Variants in OGFOD3 observed in about 807,000 individuals in gnomAD.
The protein encoded by OGFOD3 is 2-oxoglutarate and iron dependent oxygenase domain containing 3, also known as 2-oxoglutarate and iron-dependent oxygenase domain-containing protein 3.
OGFOD3 carries 35 observed loss-of-function variants against 39.8 expected under a neutral mutation model. The observed-to-expected ratio is 0.88, with a 90% CI of 0.67 to 1.17. OGFOD3 has a LOEUF of 1.17. Among genes scored for constraint, OGFOD3 ranks in the 50% most tolerant of loss-of-function variants. The probability of loss-of-function intolerance (pLI) is 0.00; values close to 1 mark genes in which losing one functional copy is unlikely to be tolerated. For missense variants in OGFOD3, 438 were observed against 454.5 expected (o/e 0.96, Z 0.33); for synonymous variants, 200 against 192.0 (o/e 1.04, Z -0.34).
In OGFOD3 at chr17:82,390,968, C is replaced by T. The variant is rs1204753259; in HGVS notation, c.*1430G>A. ...CCCAATAATGCTGCCCTTTATCAAC[C>T]CCCAGAGCAGCTCCCGGGCCACAGG... On this transcript the variant is annotated 3_prime_UTR_variant, in exon 9 of 9. Coordinates refer to ENST00000313056, the MANE Select transcript of OGFOD3 (RefSeq NM_024648.3). The surrounding 1 kb of genome is among the most constrained non-coding windows in gnomAD (Gnocchi z 4.9). 5.1e-6 allele frequency: 1 copy of T among 194,704 alleles called. No homozygotes were observed. Among genetic ancestry groups the T allele is most frequent in the Non-Finnish European group, 1.1e-5 (1 of 92,448 alleles). 12.1% of individuals were successfully genotyped at this position (194,704 alleles called of 1,614,324 possible).
At chr17:82,401,053 TCCCGACACTGCAGC>T (rs1442868312) in intron 7 of OGFOD3, 1 of 151,394 alleles carries the variant, frequency 6.6e-6, no homozygotes, top group Non-Finnish European at 1.5e-5. Flanking sequence ...CGCCGGCTGC[TCCCGACACTGCAGC>T]CCGAGAGGGA....
At chr17:82,411,248 T>C (rs904331831) in intron 3 of OGFOD3, among the ~76,000 whole-genome samples, 1 of 151,860 alleles carries the variant, frequency 6.6e-6, no homozygotes. Flanking sequence ...GGTTTCACCA[T>C]GTTGCCCAGG....
intron 7 of OGFOD3, among the ~76,000 whole-genome samples, chr17:82,399,833 G>A (rs987617718): frequency 6.6e-6 from 1 of 152,236 alleles, no homozygotes; most frequent in Non-Finnish European, 1.5e-5. Flanking sequence ...GACACCAGCT[G>A]CAAAGGGGAG....
chr17:82,398,396 A>C (rs1567866978), intron 7 of OGFOD3, 77 bp from the exon 8 acceptor site: 1 of 1,547,544 alleles, frequency 6.5e-7, no homozygotes, highest in Non-Finnish European at 8.8e-7. Context: ...TCTCTCTCTT[A>C]TTTTTTGTTT....
At chr17:82,399,673 C>G (rs1370919882) in intron 7 of OGFOD3, among the ~76,000 whole-genome samples, 1 of 152,170 alleles carries the variant, frequency 6.6e-6, no homozygotes. Flanking sequence ...TCTCTGTGAA[C>G]CTGGCGACTC....
chr17:82,395,516 C>T (rs961669428), intron 8 of OGFOD3, among the ~76,000 whole-genome samples: 5 of 152,184 alleles, frequency 3.3e-5, no homozygotes, highest in Admixed American at 2.0e-4. Flanking sequence ...TAGCATTTGC[C>T]ACTCATGGTA....
At chr17:82,408,864 G>A (rs1449485392) in intron 4 of OGFOD3, among the ~76,000 whole-genome samples, 6 of 152,110 alleles carry the variant, frequency 3.9e-5, no homozygotes, top group Admixed American at 2.0e-4. Context: ...CACATTATCC[G>A]AGGCCACTAG....
chr17:82,401,144 C>CTTT (rs10711493), intron 7 of OGFOD3: 7 of 131,128 alleles, frequency 5.3e-5, no homozygotes, highest in Non-Finnish European at 8.0e-5. Flanking sequence ...TTGGGTTTAC[C>CTTT]TTTTTTTTTT....
rs956753602 is a variant in OGFOD3, at chr17:82,396,253, T to C, written c.823+1943A>G. 1.8e-4 allele frequency among the ~76,000 whole-genome samples: 19 copies of C among 104,934 alleles called. 1 individual carries two copies. Among genetic ancestry groups the C allele is most frequent in the Non-Finnish European group, 4.5e-4 (18 of 40,362 alleles). The allele number at this position is 104,934 out of a possible 152,430, so 68.8% of individuals were successfully genotyped here. On this transcript the variant is annotated intron_variant, in intron 8 of 8. Transcript: ENST00000313056. ...ACATAGATACACACAATTAGACAGATGTATGACATCAAATCGCAGGTAAAC... is the reference window on the plus strand; with the variant it reads ...ACATAGATACACACAATTAGACAGACGTATGACATCAAATCGCAGGTAAAC...
Position 82,406,125 on chromosome 17 carries a change from C to A in OGFOD3, c.488+293G>T, listed in dbSNP as rs1048906922. On this transcript the variant is annotated intron_variant, in intron 5 of 8. Coordinates refer to ENST00000313056, the MANE Select transcript of OGFOD3 (RefSeq NM_024648.3). The surrounding 1 kb of genome is among the most constrained non-coding windows in gnomAD (Gnocchi z 5.2). ...TGCTCCTGGGAGCCTCCCATCTCTG[C>A]TGCCTCTTGCTCCCATCCCTTCTGT... Among the ~76,000 whole-genome samples the A allele has an allele frequency of 3.3e-5, 5 of 152,180 alleles. No homozygotes were observed. The highest frequency in any genetic ancestry group is 1.2e-4 in the African/African-American group (5 of 41,434).
rs796179629 is a variant in OGFOD3, at chr17:82,415,900, G to GA, written c.75-274dup. Among the ~76,000 whole-genome samples the GA allele has an allele frequency of 0.065, 6,735 of 104,142 alleles. 440 individuals are homozygous for GA. Among genetic ancestry groups the GA allele is most frequent in the African/African-American group, 0.19 (5,749 of 29,724 alleles). The allele number at this position is 104,142 out of a possible 152,430, so 68.3% of individuals were successfully genotyped here. Reference sequence around the variant, plus strand: ...AGAGACTCATGGGTTTTAAGCAAAAGAAAAAAAAAAAAAAAGCCAGACATG... The same window carrying GA: ...AGAGACTCATGGGTTTTAAGCAAAAGAAAAAAAAAAAAAAAAGCCAGACATG... On this transcript the variant is annotated intron_variant, in intron 1 of 8. Coordinates refer to ENST00000313056, the MANE Select transcript of OGFOD3 (RefSeq NM_024648.3). The surrounding 1 kb of genome is among the most constrained non-coding windows in gnomAD (Gnocchi z 5.3).
At chr17:82,401,698 GGAGGCT>G (rs2052766011) in intron 7 of OGFOD3, among the ~76,000 whole-genome samples, 1 of 150,722 alleles carries the variant, frequency 6.6e-6, no homozygotes, top group African/African-American at 2.4e-5. Flanking sequence ...CAGCTACTCA[GGAGGCT>G]GAGGCAGGAG....
In OGFOD3 at chr17:82,402,759, A is replaced by G. The variant is rs925958349; in HGVS notation, c.699+1178T>C. Among the ~76,000 whole-genome samples, 7 of 151,888 alleles carry G rather than the reference A, an allele frequency of 4.6e-5. No individual in the cohort carries two copies. In the East Asian group the frequency reaches 9.7e-4, roughly 21 times the overall value. ...TGAAACTCCATCTTAAAAAAAAAAA[A>G]GAAAGAAAAGAAATGGGATGGGTAA... On this transcript the variant is annotated intron_variant, in intron 7 of 8. Transcript: ENST00000313056.
intron 8 of OGFOD3, among the ~76,000 whole-genome samples, chr17:82,395,974 G>A (rs529143700): frequency 1.4e-4 from 21 of 152,052 alleles, no homozygotes; most frequent in African/African-American, 4.8e-4. Context: ...TTAGACAGAT[G>A]TATGACATCA....
Position 82,415,397 on chromosome 17 carries a change from C to T in OGFOD3, c.304+1G>A, listed in dbSNP as rs2053014999. Reference sequence around the variant, plus strand: ...TTTAAAGTGTTGCTTTCCTGAACTACCTTCGAACCTGCGGTGACTGTCGTA... The same window carrying T: ...TTTAAAGTGTTGCTTTCCTGAACTATCTTCGAACCTGCGGTGACTGTCGTA... On this transcript the variant is annotated splice_donor_variant, in intron 2 of 8. Coordinates refer to ENST00000313056, the MANE Select transcript of OGFOD3 (RefSeq NM_024648.3). LOFTEE classifies it high-confidence loss of function. This position sits in a 1 kb window ranked among gnomAD's most constrained non-coding sequence, Gnocchi z 5.3. 1.2e-6 allele frequency: 2 copies of T among 1,611,800 alleles called. No homozygotes were observed. Among genetic ancestry groups the T allele is most frequent in the Non-Finnish European group, 1.7e-6 (2 of 1,178,336 alleles).
intron 4 of OGFOD3, among the ~76,000 whole-genome samples, 166 bp downstream of exon 4, chr17:82,409,202 A>T (rs2052904869): frequency 6.6e-6 from 1 of 152,224 alleles, no homozygotes; most frequent in South Asian, 2.1e-4. Context: ...CACGGGTTTC[A>T]GTCAGGCGCA....
intron 7 of OGFOD3, among the ~76,000 whole-genome samples, chr17:82,402,090 G>T (rs1333586654): frequency 1.3e-5 from 2 of 152,058 alleles, no homozygotes; most frequent in African/African-American, 4.8e-5. Flanking sequence ...TTAAAGAATT[G>T]CTATAATACC....
At chr17:82,414,896 G>A (rs1203784949) in intron 2 of OGFOD3, among the ~76,000 whole-genome samples, 1 of 152,152 alleles carries the variant, frequency 6.6e-6, no homozygotes, top group Admixed American at 6.5e-5. Flanking sequence ...CTCCGAGGCC[G>A]TGCGCTCTCC....
rs2053025167 is a variant in OGFOD3, at chr17:82,415,893, AG to A, written c.75-267del. 1.3e-5 allele frequency among the ~76,000 whole-genome samples: 2 copies of A among 149,578 alleles called. No homozygotes were observed. Among genetic ancestry groups the A allele is most frequent in the African/African-American group, 5.0e-5 (2 of 39,774 alleles). On this transcript the variant is annotated intron_variant, in intron 1 of 8. Coordinates refer to ENST00000313056, the MANE Select transcript of OGFOD3 (RefSeq NM_024648.3). The surrounding 1 kb of genome is among the most constrained non-coding windows in gnomAD (Gnocchi z 5.3). ...TTGCAATAGAGACTCATGGGTTTTA[AG>A]CAAAAGAAAAAAAAAAAAAAAGCCA...
Sources: allele counts gnomAD v4.1 joint callset (sites outside exome capture counted in the v4.1 genomes callset), GRCh38; gene constraint gnomAD v4.1.1; non-coding constraint Gnocchi (gnomAD v3.1); transcripts MANE v1.5; gene names NCBI Gene and HGNC (gene_info 2026-07-23, HGNC 2026-07-21).